H6PD: variants seen among roughly 807,000 people sequenced by gnomAD.
H6PD encodes the protein hexose-6-phosphate dehydrogenase/glucose 1-dehydrogenase.
A neutral mutation model predicts 61.2 loss-of-function variants in H6PD; 48 were observed. The observed-to-expected ratio is 0.78, with a 90% confidence interval of 0.62 to 1.00. The LOEUF (loss-of-function observed/expected upper bound fraction) is 1.00. Ranked by LOEUF, H6PD falls within the 50% of genes least tolerant of loss-of-function variation. The pLI is 0.00. For synonymous variants in H6PD, 480 were observed against 457.9 expected, an observed-to-expected ratio of 1.05 and a Z score of -0.62; for missense variants, 1,093 against 1,065.0, an observed-to-expected ratio of 1.03 and a Z score of -0.37.
intron 1 of H6PD, among the ~76,000 whole-genome samples, chr1:9,236,688 A>G (rs974883760): frequency 5.3e-5 from 8 of 150,974 alleles, no homozygotes; most frequent in Non-Finnish European, 8.8e-5. Context: ...AAAAAAAAAA[A>G]GCAGCTAGGA....
chr1:9,239,641 CAT>C (rs897519264), intron 1 of H6PD, among the ~76,000 whole-genome samples: 2 of 152,198 alleles, frequency 1.3e-5, no homozygotes, highest in Non-Finnish European at 2.9e-5. Context: ...TTTACTCCCA[CAT>C]GTTCTTTTTA....
intron 3 of H6PD, among the ~76,000 whole-genome samples, chr1:9,253,222 G>T (rs1393766306): frequency 6.6e-6 from 1 of 152,070 alleles, no homozygotes; most frequent in Non-Finnish European, 1.5e-5. Context: ...AAACACAGGC[G>T]CACCCCCTGA....
chr1:9,236,555 G>A (rs1351410672), intron 1 of H6PD, among the ~76,000 whole-genome samples: 1 of 152,098 alleles, frequency 6.6e-6, no homozygotes, highest in East Asian at 1.9e-4. Context: ...AGCTGCTGGG[G>A]AGGCTAAGGC....
chr1:9,238,393 T>C (rs1269707332), intron 1 of H6PD, among the ~76,000 whole-genome samples: 1 of 152,176 alleles, frequency 6.6e-6, no homozygotes, highest in East Asian at 1.9e-4. Flanking sequence ...GTGTTGAGGC[T>C]CAGCCATAGA....
chr1:9,271,029 C>A lies in H6PD; in HGVS notation c.*6160C>A, dbSNP rs1052242351. ...CGATCTCGGCTCACTGCAAACTTTG[C>A]CTCCCAGGTTCAAGTGATTCTCCTA... On this transcript the variant is annotated 3_prime_UTR_variant, in exon 5 of 5. Transcript: ENST00000377403. 1.1e-4 allele frequency: 17 copies of A among 151,106 alleles called. No homozygotes were observed. The highest frequency in any genetic ancestry group is 4.2e-4 in the African/African-American group (17 of 40,830). The allele number at this position is 151,106 out of a possible 1,614,324, so 9.4% of individuals were successfully genotyped here.
At chr1:9,235,373 C>G (rs546358734) in intron 1 of H6PD, among the ~76,000 whole-genome samples, 28 of 152,200 alleles carry the variant, frequency 1.8e-4, no homozygotes, top group African/African-American at 6.5e-4. Flanking sequence ...TAGCGTTTCC[C>G]GTACCCGGAT....
In H6PD at chr1:9,262,139, G is replaced by T; in HGVS notation, c.826G>T (p.Ala276Ser). 6.2e-7 allele frequency: 1 copy of T among 1,614,218 alleles called. No homozygotes were observed. Among genetic ancestry groups the T allele is most frequent in the Non-Finnish European group, 8.5e-7 (1 of 1,180,020 alleles). Residue 276 changes from alanine to serine, a missense_variant, in exon 4 of 5, where the codon GCC (alanine) becomes TCC (serine). By Grantham distance (99) the Ala-to-Ser change is moderately conservative. Transcript: ENST00000377403. ...TCTGACGGAGGTCCTCACCCTCGTG[G>T]CCATGGAGCTGCCCCACAATGTCAG... ...NHLTEVLTLV[A>S]MELPHNVSSA...
intron 3 of H6PD, among the ~76,000 whole-genome samples, chr1:9,259,125 G>A (rs1002716947): frequency 1.5e-4 from 23 of 152,210 alleles, no homozygotes; most frequent in Admixed American, 1.2e-3. Context: ...CCAAGTAGCT[G>A]GGACTACAGG....
At chr1:9,260,637 A>G (rs1316657605) in intron 3 of H6PD, among the ~76,000 whole-genome samples, 2 of 151,394 alleles carry the variant, frequency 1.3e-5, no homozygotes, top group Non-Finnish European at 2.9e-5. Flanking sequence ...CAATGTTGTT[A>G]TGTTGCTGTT....
At chr1:9,258,132 G>A (rs1388646428) in intron 3 of H6PD, among the ~76,000 whole-genome samples, 1 of 152,248 alleles carries the variant, frequency 6.6e-6, no homozygotes, top group African/African-American at 2.4e-5. Flanking sequence ...GGCGCGGGCC[G>A]GGGCTGCTGT....
intron 3 of H6PD, among the ~76,000 whole-genome samples, chr1:9,256,600 G>C (rs1641526619): frequency 6.6e-6 from 1 of 152,200 alleles, no homozygotes; most frequent in African/African-American, 2.4e-5. Context: ...ACCCAGAGTG[G>C]CTGCTGGGAG....
chr1:9,245,395 G>A lies in H6PD; in HGVS notation c.461G>A (p.Arg154His), dbSNP rs770669859. The change falls in exon 2 of 5, where the codon CGC (arginine) becomes CAC (histidine). Residue 154 changes from arginine (R) to histidine (H), a missense_variant. Coordinates refer to ENST00000377403, the MANE Select transcript of H6PD (RefSeq NM_004285.4). This position sits in a 1 kb window ranked among gnomAD's most constrained non-coding sequence, Gnocchi z 4.8. ...CCCTTCGCCTATGAAGACATTGCCC[G>A]CAACATCAACAGTAGCTGCCGGCCA... The part of the protein sequence containing the change: ...VPPFAYEDIA[R>H]NINSSCRPGP... 77 of 1,614,000 alleles carry A rather than the reference G, an allele frequency of 4.8e-5. No homozygotes were observed. Among genetic ancestry groups the A allele is most frequent in the Admixed American group, 4.2e-4 (25 of 60,004 alleles).
chr1:9,242,901 G>GA (rs1641041442), intron 1 of H6PD: 6 of 985,296 alleles, frequency 6.1e-6, no homozygotes, highest in Non-Finnish European at 7.2e-6. Flanking sequence ...GCCGGTTGAG[G>GA]AAAAAACGCT....
chr1:9,247,031 G>A lies in H6PD; in HGVS notation c.693G>A (p.Arg231=). 1 of 1,614,060 alleles carries A rather than the reference G, an allele frequency of 6.2e-7. No individual in the cohort carries two copies. Among genetic ancestry groups the A allele is most frequent in the Non-Finnish European group, 8.5e-7 (1 of 1,179,942 alleles). Residue 231 remains arginine, a synonymous_variant, in exon 3 of 5, where the codon CGG becomes CGA. Transcript: ENST00000377403. ...NRKALDGLWN[R]HHVERVEIIM... ...AGGCTTTGGACGGCCTCTGGAACCG[G>A]CACCATGTGGAGCGGGTGGAGATCA...
rs764711857 is a variant in H6PD at position 9,245,949 on chromosome 1, C to CTT, written c.627+401_627+402dup. 2.1e-5 allele frequency among the ~76,000 whole-genome samples: 3 copies of CTT among 142,702 alleles called. No homozygotes were observed. The highest frequency in any genetic ancestry group is 7.7e-5 in the African/African-American group (3 of 39,034). 93.6% of individuals were successfully genotyped at this position (142,702 alleles called of 152,430 possible). A position where few individuals can be genotyped will look rare whatever the true frequency, so the allele number is the denominator to read the frequency against. On this transcript the variant is annotated intron_variant, in intron 2 of 4. Transcript: ENST00000377403. The surrounding 1 kb of genome is among the most constrained non-coding windows in gnomAD (Gnocchi z 4.8). ...GCTCTCTTCTCCTGCACCCATCCAC[C>CTT]TTTTTTTTTTTTTTAGACAGAGTCT... is the stretch of plus-strand genomic sequence containing the variant.
Position 9,264,453 on chromosome 1 carries a change from A to G in H6PD, c.1960A>G (p.Met654Val). 5.0e-6 allele frequency: 8 copies of G among 1,613,010 alleles called. No homozygotes were observed. Among genetic ancestry groups the G allele is most frequent in the African/African-American group, 2.7e-5 (2 of 75,004 alleles). The change falls in exon 5 of 5, where the codon ATG becomes GTG. Residue 654 changes from methionine to valine, a missense_variant. Physicochemically the swap from Met to Val is conservative, Grantham distance 21. Coordinates refer to ENST00000377403, the MANE Select transcript of H6PD (RefSeq NM_004285.4). ...VRIPYYNIHPMPVHLQQRLCA... is the reference protein window; with the variant it reads ...VRIPYYNIHPVPVHLQQRLCA... ...GATCCCCTACTACAACATCCACCCC[A>G]TGCCTGTGCACCTGCAGCAGCGGCT...
At chr1:9,251,205 C>T (rs755735805) in intron 3 of H6PD, among the ~76,000 whole-genome samples, 15 of 152,178 alleles carry the variant, frequency 9.9e-5, no homozygotes, top group South Asian at 2.1e-4. Flanking sequence ...TGCAGACAGG[C>T]GGGCCCATGT....
At position 9,269,921 on chromosome 1, in the gene H6PD, C is replaced by G. The variant is rs985288336; in HGVS notation, c.*5052C>G. 2 of 152,552 alleles carry G rather than the reference C, an allele frequency of 1.3e-5. No individual in the cohort carries two copies. The highest frequency in any genetic ancestry group is 2.9e-5 in the Non-Finnish European group (2 of 68,068). The allele number at this position is 152,552 out of a possible 1,614,324, so 9.4% of individuals were successfully genotyped here. The stretch of plus-strand genomic sequence containing the variant: ...GGGGTATGAGTGAGAAGCTGAGGAT[C>G]TCGCAGCTTGTTGCTGAGCAAGGTG... On this transcript the variant is annotated 3_prime_UTR_variant, in exon 5 of 5. Transcript: ENST00000377403. The surrounding 1 kb of genome is among the most constrained non-coding windows in gnomAD (Gnocchi z 4.3).
chr1:9,235,282 G>A (rs1398393977), intron 1 of H6PD, among the ~76,000 whole-genome samples: 1 of 152,120 alleles, frequency 6.6e-6, no homozygotes, highest in East Asian at 1.9e-4. Context: ...TCCCGGAACT[G>A]AGTTCCAGGA....
Sources: allele counts gnomAD v4.1 joint callset (sites outside exome capture counted in the v4.1 genomes callset), GRCh38; gene constraint gnomAD v4.1.1; non-coding constraint Gnocchi (gnomAD v3.1); transcripts MANE v1.5; gene names NCBI Gene and HGNC (gene_info 2026-07-23, HGNC 2026-07-21).